The following NLRP3 variants were observed in gnomAD, a reference collection of about 807,000 sequenced individuals.
NLRP3 encodes NACHT, LRR and PYD domains-containing protein 3.
A neutral mutation model predicts 91.3 loss-of-function variants in NLRP3; 48 were observed. The observed-to-expected ratio is 0.53, with a 90% confidence interval of 0.42 to 0.67. NLRP3 has a LOEUF of 0.67. Among genes scored for constraint, NLRP3 ranks in the 30% least tolerant of loss-of-function variants. The pLI is 0.00. For missense variants in NLRP3, 982 were observed against 1,276.9 expected, an observed-to-expected ratio of 0.77 and a Z score of 3.52; for synonymous variants, 561 against 507.9, an observed-to-expected ratio of 1.10 and a Z score of -1.41.
In NLRP3 at chr1:247,420,709, C is replaced by T. The variant is rs145191931; in HGVS notation, c.277+1632C>T. Among the ~76,000 whole-genome samples the T allele has an allele frequency of 6.9e-3, 1,032 of 150,192 alleles. 13 individuals are homozygous for T. The highest frequency in any genetic ancestry group is 0.023 in the African/African-American group (929 of 40,686). The stretch of plus-strand genomic sequence containing the variant: ...TCCAGCCTGGGCTAAAGAGCAAGAC[C>T]CTGTTTCAAAAAAAAATTTTTTTTT... On this transcript the variant is annotated intron_variant, in intron 2 of 9. Transcript: ENST00000336119.
intron 9 of NLRP3, among the ~76,000 whole-genome samples, chr1:247,447,615 T>C (rs1664667212): frequency 6.6e-6 from 1 of 152,052 alleles, no homozygotes; most frequent in Non-Finnish European, 1.5e-5. Flanking sequence ...CCTGGGCAAA[T>C]GCAATGTGTA....
At position 247,429,651 on chromosome 1, in the gene NLRP3, GAGTCT is replaced by G; in HGVS notation, c.2219_2223del (p.Ser740AsnfsTer2). ...TCTTTTCAGTTCTGAGCACCAGCCA[GAGTCT>G]AACTGAATTGGACCTCAGTGACAAT... On this transcript the variant is annotated frameshift_variant, in exon 5 of 10. Coordinates refer to ENST00000336119, the MANE Select transcript of NLRP3 (RefSeq NM_001243133.2). LOFTEE classifies it high-confidence loss of function. 1.2e-6 allele frequency: 2 copies of G among 1,614,212 alleles called. No individual in the cohort carries two copies. The highest frequency in any genetic ancestry group is 1.7e-6 in the Non-Finnish European group (2 of 1,180,036).
At chr1:247,430,175 C>T (rs1392793031) in intron 5 of NLRP3, among the ~76,000 whole-genome samples, 5 of 152,150 alleles carry the variant, frequency 3.3e-5, no homozygotes, top group East Asian at 1.9e-4. Flanking sequence ...CGCACCCGGC[C>T]GGTGGTGTGG....
rs368399424 is a variant in NLRP3 at position 247,444,732 on chromosome 1, G to A, written c.2916G>A (p.Leu972=). 4 of 1,614,160 alleles carry A rather than the reference G, an allele frequency of 2.5e-6. No individual in the cohort carries two copies. Among genetic ancestry groups the A allele is most frequent in the East Asian group, 2.2e-5 (1 of 44,886 alleles). Residue 972 remains leucine, a synonymous_variant, in exon 9 of 10, where the codon CTG becomes CTA. Coordinates refer to ENST00000336119, the MANE Select transcript of NLRP3 (RefSeq NM_001243133.2). ...LLTSSQSLRK[L]SLGNNDLGDL... is the part of the protein sequence containing the mutation. ...CCTCCAGCCAGAGCCTGCGAAAGCT[G>A]AGCCTGGGCAACAATGACCTGGGCG...
intron 2 of NLRP3, among the ~76,000 whole-genome samples, chr1:247,421,102 A>T (rs1356226077): frequency 6.6e-6 from 1 of 152,222 alleles, no homozygotes; most frequent in Non-Finnish European, 1.5e-5. Context: ...AAATTCTCTT[A>T]ATCCCCATGT....
intron 3 of NLRP3, 69 bp downstream of exon 3, chr1:247,423,418 C>T: frequency 6.3e-7 from 1 of 1,596,368 alleles, no homozygotes; most frequent in Non-Finnish European, 8.6e-7. Flanking sequence ...GGAAGCTGAG[C>T]AGCTGGGTAA....
At chr1:247,439,427 T>A (rs1034322792) in intron 7 of NLRP3, among the ~76,000 whole-genome samples, 1 of 152,162 alleles carries the variant, frequency 6.6e-6, no homozygotes, top group Non-Finnish European at 1.5e-5. Flanking sequence ...TGCTGACACA[T>A]TTTGCCATTC....
Position 247,425,861 on chromosome 1 carries a change from T to C in NLRP3, c.2150+262T>C, listed in dbSNP as rs1286205547. The C allele has an allele frequency of 8.0e-6, 4 of 497,690 alleles. No individual in the cohort carries two copies. Among genetic ancestry groups the C allele is most frequent in the Non-Finnish European group, 1.5e-5 (4 of 273,946 alleles). 30.8% of individuals were successfully genotyped at this position (497,690 alleles called of 1,614,324 possible). On this transcript the variant is annotated intron_variant, in intron 4 of 9. Coordinates refer to ENST00000336119, the MANE Select transcript of NLRP3 (RefSeq NM_001243133.2). The surrounding 1 kb of genome is among the most constrained non-coding windows in gnomAD (Gnocchi z 4.1). ...GTTTAGCACAAGGTATTAAGTAGGA[T>C]GTAGGATTGCCTACAAATATTTGTC... is the stretch of plus-strand genomic sequence containing the variant.
intron 5 of NLRP3, among the ~76,000 whole-genome samples, chr1:247,431,261 C>A (rs1476440977): frequency 6.6e-6 from 1 of 152,152 alleles, no homozygotes; most frequent in Non-Finnish European, 1.5e-5. Flanking sequence ...ACACGCCCCA[C>A]CGCGCTGGTG....
chr1:247,442,805 T>G (rs1165865363), intron 7 of NLRP3, among the ~76,000 whole-genome samples: 2 of 152,210 alleles, frequency 1.3e-5, no homozygotes, highest in African/African-American at 4.8e-5. Context: ...GCACAGTGGC[T>G]CATGCCTGTA....
chr1:247,432,976 C>T (rs1002500163), intron 5 of NLRP3, among the ~76,000 whole-genome samples: 1 of 151,718 alleles, frequency 6.6e-6, no homozygotes, highest in African/African-American at 2.4e-5. Flanking sequence ...CCCAGGAGTT[C>T]AAAACCAGCC....
chr1:247,443,549 C>A (rs1361756621), intron 7 of NLRP3, among the ~76,000 whole-genome samples: 1 of 141,956 alleles, frequency 7.0e-6, no homozygotes, highest in Non-Finnish European at 1.5e-5. Flanking sequence ...ATTTTTTTTT[C>A]CTGTCTCTCT....
intron 2 of NLRP3, among the ~76,000 whole-genome samples, chr1:247,421,011 A>G (rs1472048980): frequency 6.6e-6 from 1 of 152,220 alleles, no homozygotes; most frequent in Admixed American, 6.5e-5. Flanking sequence ...CCCAGAGGGC[A>G]GCCTCTCTCC....
intron 4 of NLRP3, among the ~76,000 whole-genome samples, chr1:247,426,243 G>T (rs1289929694): frequency 2.0e-5 from 3 of 152,184 alleles, no homozygotes; most frequent in Non-Finnish European, 4.4e-5. Context: ...GAAATGTGGA[G>T]ACCCTCTTTC....
Position 247,448,599 on chromosome 1 carries a change from C to T in NLRP3, c.*95C>T. On this transcript the variant is annotated 3_prime_UTR_variant, in exon 10 of 10. Transcript: ENST00000336119. The stretch of plus-strand genomic sequence containing the variant: ...AGCTGCGATCCATCCAGGCCAAGAC[C>T]ACAGCTCTGTGATCCTTCCGGTGGA... 1 of 798,496 alleles carries T rather than the reference C, an allele frequency of 1.3e-6. No individual in the cohort carries two copies. The allele number at this position is 798,496 out of a possible 1,614,324, so 49.5% of individuals were successfully genotyped here. A position where few individuals can be genotyped will look rare whatever the true frequency, so the allele number is the denominator to read the frequency against.
intron 7 of NLRP3, among the ~76,000 whole-genome samples, chr1:247,441,131 CTTTCT>C (rs1558207099): frequency 4.5e-5 from 1 of 21,990 alleles, no homozygotes; most frequent in Non-Finnish European, 1.2e-4. Context: ...TTCTTTTTCT[CTTTCT>C]TTCTTTCTTT....
Position 247,431,279 on chromosome 1 carries a change from C to T in NLRP3, c.2321+1524C>T, listed in dbSNP as rs74154639. On this transcript the variant is annotated intron_variant, in intron 5 of 9. Transcript: ENST00000336119. The stretch of plus-strand genomic sequence containing the variant: ...CGCCCCACCGCGCTGGTGCCTGGGC[C>T]GCCTCACTAGCTCTGTTTCATTCCC... Among the ~76,000 whole-genome samples, 519 of 152,284 alleles carry T rather than the reference C, an allele frequency of 3.4e-3. 5 individuals are homozygous for T. Among genetic ancestry groups the T allele is most frequent in the African/African-American group, 0.012 (500 of 41,560 alleles).
At position 247,418,281 on chromosome 1, in the gene NLRP3, G is replaced by A. The variant is rs909845145; in HGVS notation, c.-520G>A. The A allele has an allele frequency of 4.8e-6, 1 of 209,668 alleles. No individual in the cohort carries two copies. Among genetic ancestry groups the A allele is most frequent in the African/African-American group, 2.4e-5 (1 of 42,396 alleles). The allele number at this position is 209,668 out of a possible 1,614,324, so 13.0% of individuals were successfully genotyped here. A position where few individuals can be genotyped will look rare whatever the true frequency, so the allele number is the denominator to read the frequency against. On this transcript the variant is annotated 5_prime_UTR_variant, in exon 2 of 10. Coordinates refer to ENST00000336119, the MANE Select transcript of NLRP3 (RefSeq NM_001243133.2). Reference sequence around the variant, plus strand: ...ACACTCCTGGATCGAGCCAACAGGAGAACTTTCTGGTAAGCATTTGGCTAA... The same window carrying A: ...ACACTCCTGGATCGAGCCAACAGGAAAACTTTCTGGTAAGCATTTGGCTAA...
chr1:247,419,407 G>C (rs369988209), intron 2 of NLRP3, among the ~76,000 whole-genome samples: 2 of 152,122 alleles, frequency 1.3e-5, no homozygotes, highest in African/African-American at 4.8e-5. Context: ...CACCCGCCTC[G>C]GCCTCGCAAA....
Sources: allele counts gnomAD v4.1 joint callset (sites outside exome capture counted in the v4.1 genomes callset), GRCh38; gene constraint gnomAD v4.1.1; non-coding constraint Gnocchi (gnomAD v3.1); transcripts MANE v1.5; gene names NCBI Gene and HGNC (gene_info 2026-07-23, HGNC 2026-07-21).